DDX50: variants seen among roughly 807,000 people sequenced by gnomAD.
DDX50 encodes the protein DExD-box helicase 50, also known as ATP-dependent RNA helicase DDX50.
DDX50 carries 56 observed loss-of-function variants against 94.8 expected under a neutral mutation model. The ratio of observed to expected loss-of-function variants is 0.59; its 90% confidence interval spans 0.48 to 0.74. The LOEUF is 0.74. DDX50 is among the 30% of genes least tolerant of loss of function. The probability of loss-of-function intolerance (pLI) is 0.00; values close to 1 mark genes in which losing one functional copy is unlikely to be tolerated. For missense variants in DDX50, 713 were observed against 881.2 expected (o/e 0.81, Z 2.42); for synonymous variants, 264 against 295.4 (o/e 0.89, Z 1.09).
At chr10:68,930,657 G>GTT (rs146583869) in intron 8 of DDX50, among the ~76,000 whole-genome samples, 4 of 151,632 alleles carry the variant, frequency 2.6e-5, no homozygotes, top group African/African-American at 9.7e-5. Flanking sequence ...CCATGGTTTT[G>GTT]TTTTTTTTGG....
chr10:68,936,963 T>G lies in DDX50; in HGVS notation c.1623T>G (p.Ala541=). 1 of 1,610,190 alleles carries G rather than the reference T, an allele frequency of 6.2e-7. No individual in the cohort carries two copies. ...CTCTGGCTTCCGTTTCTTACGCTGC[T>G]GTTGATTTTTTCCGACCATCAGCTC... ...IRSLASVSYA[A]VDFFRPSAQR... is the part of the protein sequence containing the mutation. The change falls in exon 12 of 15, where the codon GCT becomes GCG. Residue 541 remains alanine, a synonymous_variant. Coordinates refer to ENST00000373585, the MANE Select transcript of DDX50 (RefSeq NM_024045.2).
At chr10:68,926,675 C>G (rs1402047917) in intron 8 of DDX50, among the ~76,000 whole-genome samples, 1 of 151,486 alleles carries the variant, frequency 6.6e-6, no homozygotes, top group Non-Finnish European at 1.5e-5. Flanking sequence ...GAGGTTGGGG[C>G]GGGAGAATCG....
Position 68,946,630 on chromosome 10 carries a change from A to G in DDX50, c.2214A>G (p.Ter738TrpextTer5), listed in dbSNP as rs1474373140. The G allele has an allele frequency of 3.7e-6, 6 of 1,610,300 alleles. No homozygotes were observed. The highest frequency in any genetic ancestry group is 5.1e-6 in the Non-Finnish European group (6 of 1,177,540). ...GGGGCCACAAACGGAGTTTTGACTG[A>G]GTATTTGATAGTTAATCTACCAGTG... is the stretch of plus-strand genomic sequence containing the variant. ...RSGGHKRSFD[*>W] Residue 738 changes from the stop codon to tryptophan (W), a stop_lost, in exon 15 of 15, where the codon TGA (stop) becomes TGG (tryptophan). Coordinates refer to ENST00000373585, the MANE Select transcript of DDX50 (RefSeq NM_024045.2).
rs747980300 is a variant in DDX50, at chr10:68,911,262, G to T, written c.639+16G>T. ...CTCACCAAAGGTAATCGTTATAGGG[G>T]GTAAAAGCTTTAAATGTTACTCTAA... On this transcript the variant is annotated intron_variant, in intron 4 of 14. Transcript: ENST00000373585. 6.5e-7 allele frequency: 1 copy of T among 1,536,068 alleles called. No homozygotes were observed. Among genetic ancestry groups the T allele is most frequent in the South Asian group, 1.3e-5 (1 of 74,734 alleles).
intron 7 of DDX50, among the ~76,000 whole-genome samples, chr10:68,917,252 G>A (rs1841822469): frequency 6.6e-6 from 1 of 151,932 alleles, no homozygotes; most frequent in South Asian, 2.1e-4. Flanking sequence ...CTGAGGTCAG[G>A]AGTTCGAGAC....
chr10:68,932,329 G>C (rs537813285), intron 8 of DDX50, among the ~76,000 whole-genome samples: 121 of 152,226 alleles, frequency 7.9e-4, no homozygotes, highest in African/African-American at 2.8e-3. Context: ...GAGCGATTAC[G>C]GCTCACTGCA....
At chr10:68,937,165 G>T in intron 12 of DDX50, 70 bp downstream of exon 12, 1 of 1,401,390 alleles carries the variant, frequency 7.1e-7, no homozygotes. Context: ...ATATTGTAGT[G>T]AATTATTGTG....
At chr10:68,903,799 T>A (rs1190588272) in intron 1 of DDX50, among the ~76,000 whole-genome samples, 7 of 143,504 alleles carry the variant, frequency 4.9e-5, no homozygotes, top group African/African-American at 1.3e-4. Flanking sequence ...AGACTCCATT[T>A]AAAAAAAAAA....
In DDX50 at chr10:68,913,223, T is replaced by C. The variant is rs1278769668; in HGVS notation, c.701T>C (p.Ile234Thr). Reference sequence around the variant, plus strand: ...CAAGTAGCCAAAGACTTCAAAGATATAACTAGGAAACTCAGCGTGGCGTGT... The same window carrying C: ...CAAGTAGCCAAAGACTTCAAAGATACAACTAGGAAACTCAGCGTGGCGTGT... ...ANQVAKDFKD[I>T]TRKLSVACFY... is the part of the protein sequence containing the mutation. The change falls in exon 5 of 15, where the codon ATA becomes ACA. Residue 234 changes from isoleucine (I) to threonine (T), a missense_variant. By Grantham distance (89) the Ile-to-Thr change is moderately conservative. Around this residue, in one of 2 missense-constraint regions of DDX50, gnomAD observed 285 missense variants for 278.9 expected, o/e 1.02. Transcript: ENST00000373585. 3.7e-6 allele frequency: 6 copies of C among 1,613,418 alleles called. No homozygotes were observed. Among genetic ancestry groups the C allele is most frequent in the African/African-American group, 2.7e-5 (2 of 74,894 alleles).
intron 8 of DDX50, among the ~76,000 whole-genome samples, chr10:68,924,798 T>C (rs1364768321): frequency 1.3e-5 from 2 of 152,118 alleles, no homozygotes; most frequent in African/African-American, 4.8e-5. Flanking sequence ...TTCTCCTCAG[T>C]ATGGGGCTTT....
intron 7 of DDX50, among the ~76,000 whole-genome samples, chr10:68,919,153 A>G (rs1331458780): frequency 6.6e-6 from 1 of 152,190 alleles, no homozygotes; most frequent in Non-Finnish European, 1.5e-5. Context: ...GAAGCTGCCT[A>G]ACAATACATT....
intron 1 of DDX50, chr10:68,906,323 A>G (rs759448110): frequency 4.0e-4 from 66 of 165,290 alleles, no homozygotes; most frequent in Admixed American, 7.6e-4. Context: ...CTGAAAACAC[A>G]TTACACAGTG....
In DDX50 at chr10:68,911,169, A is replaced by G. The variant is rs1184077061; in HGVS notation, c.562A>G (p.Thr188Ala). ...IAQARTGTGK[T>A]FSFAIPLIER... ...TCAAGCACGGACAGGAACAGGAAAG[A>G]CATTCTCTTTTGCCATCCCCTTAAT... is the stretch of plus-strand genomic sequence containing the variant. Residue 188 changes from threonine to alanine, a missense_variant, in exon 4 of 15, where the codon ACA (threonine) becomes GCA (alanine). This residue lies in a region of DDX50 where 285 missense variants were observed against 278.9 expected (regional missense o/e 1.02). Transcript: ENST00000373585. 7 of 1,612,952 alleles carry G rather than the reference A, an allele frequency of 4.3e-6. No homozygotes were observed. Among genetic ancestry groups the G allele is most frequent in the Non-Finnish European group, 5.9e-6 (7 of 1,179,514 alleles).
At chr10:68,902,143 G>A (rs200373905) in intron 1 of DDX50, among the ~76,000 whole-genome samples, 2 of 140,134 alleles carry the variant, frequency 1.4e-5, no homozygotes, top group East Asian at 4.4e-4. Flanking sequence ...CTCTCAAGGA[G>A]CCTGTAGAGG....
At chr10:68,929,295 C>CCTTCCTTCCTTCCTTCCTT (rs1564612578) in intron 8 of DDX50, among the ~76,000 whole-genome samples, 14 of 58,188 alleles carry the variant, frequency 2.4e-4, no homozygotes, top group Middle Eastern at 0.01. Context: ...CTTCCTTCCT[C>CCTTCCTTCCTTCCTTCCTT]TCTCTCTCTC....
At chr10:68,910,687 C>T (rs943016255) in intron 3 of DDX50, among the ~76,000 whole-genome samples, 1 of 152,188 alleles carries the variant, frequency 6.6e-6, no homozygotes, top group Non-Finnish European at 1.5e-5. Context: ...AGGCGTGAGC[C>T]ACCACGGCTG....
intron 8 of DDX50, among the ~76,000 whole-genome samples, chr10:68,926,565 T>G (rs1196096494): frequency 6.6e-6 from 1 of 152,160 alleles, no homozygotes; most frequent in Non-Finnish European, 1.5e-5. Flanking sequence ...GTAATTTACT[T>G]GTAAAAAGTC....
intron 8 of DDX50, among the ~76,000 whole-genome samples, chr10:68,925,148 G>T (rs1842050758): frequency 8.1e-6 from 1 of 123,886 alleles, no homozygotes; most frequent in Non-Finnish European, 1.6e-5. Context: ...TTGTTGCCCA[G>T]ATTGGAGTGC....
chr10:68,914,597 TA>T (rs1428153448), intron 7 of DDX50, among the ~76,000 whole-genome samples: 36 of 152,312 alleles, frequency 2.4e-4, no homozygotes, highest in African/African-American at 7.9e-4. Context: ...GAAAAAAAGA[TA>T]GATCCTCATC....
Sources: allele counts gnomAD v4.1 joint callset (sites outside exome capture counted in the v4.1 genomes callset), GRCh38; gene constraint gnomAD v4.1.1; regional missense constraint gnomAD v4.1.1; transcripts MANE v1.5; gene names NCBI Gene and HGNC (gene_info 2026-07-23, HGNC 2026-07-21).